The following CADM1 variants were observed in gnomAD, a reference collection of about 807,000 sequenced individuals.
CADM1 encodes the protein TSLC-1.
CADM1 carries 15 observed loss-of-function variants against 53.1 expected under a neutral mutation model. The ratio of observed to expected loss-of-function variants is 0.28; its 90% confidence interval spans 0.19 to 0.44. The LOEUF (loss-of-function observed/expected upper bound fraction) is 0.44, where lower values mean the gene tolerates loss of function less well. Among genes scored for constraint, CADM1 ranks in the 20% least tolerant of loss-of-function variants. The pLI is 1.00. For synonymous variants in CADM1, 281 were observed against 243.0 expected (o/e 1.16, Z -1.45); for missense variants, 434 against 611.3 (o/e 0.71, Z 3.06).
Position 115,229,162 on chromosome 11 carries a change from G to T in CADM1, c.672C>A (p.His224Gln). The T allele has an allele frequency of 6.2e-7, 1 of 1,614,038 alleles. No individual in the cohort carries two copies. Among genetic ancestry groups the T allele is most frequent in the Non-Finnish European group, 8.5e-7 (1 of 1,179,996 alleles). The change falls in exon 5 of 12, where the codon CAC (histidine) becomes CAA (glutamine). Residue 224 changes from histidine to glutamine, a missense_variant. His to Gln is a conservative substitution (Grantham distance 24). This residue lies in a region of CADM1 where 311 missense variants were observed against 435.1 expected (regional missense o/e 0.71). Transcript: ENST00000331581. ...DGVPVICQVE[H>Q]PAVTGNLQTQ... ...TCTGCAGGTTTCCAGTGACCGCAGG[G>T]TGCTCCACCTGGCAGATCACTGGGA...
intron 1 of CADM1, 134 bp from the exon 2 acceptor site, chr11:115,240,554 C>A: frequency 4.5e-6 from 4 of 896,190 alleles, no homozygotes; most frequent in Non-Finnish European, 7.1e-6. Flanking sequence ...GCTCTAATAC[C>A]TTTCTTTGTA....
chr11:115,220,123 G>A (rs1941350342), intron 5 of CADM1, among the ~76,000 whole-genome samples: 1 of 152,080 alleles, frequency 6.6e-6, no homozygotes, highest in Admixed American at 6.6e-5. Flanking sequence ...TTAAGAAGAA[G>A]CAGAATGCTT....
chr11:115,414,914 G>A (rs220846), intron 1 of CADM1, among the ~76,000 whole-genome samples: 55,186 of 152,004 alleles, frequency 0.36, 11,227 homozygotes, highest in Non-Finnish European at 0.48. Flanking sequence ...GTGAAATTCC[G>A]GTGCCTGATT....
intron 1 of CADM1, among the ~76,000 whole-genome samples, chr11:115,306,914 T>C (rs575220951): frequency 1.6e-4 from 25 of 152,142 alleles, no homozygotes; most frequent in African/African-American, 2.9e-4. Context: ...ATCCAACTTA[T>C]GGATGCATTG....
chr11:115,264,960 C>T (rs764089928), intron 1 of CADM1, among the ~76,000 whole-genome samples: 2 of 152,158 alleles, frequency 1.3e-5, no homozygotes, highest in Non-Finnish European at 2.9e-5. Context: ...AAGTGAACAA[C>T]ACCACAGTAT....
chr11:115,349,459 T>C (rs1008302406), intron 1 of CADM1, among the ~76,000 whole-genome samples: 1 of 152,154 alleles, frequency 6.6e-6, no homozygotes, highest in African/African-American at 2.4e-5. Context: ...GCGTAAACAG[T>C]AGACAACATA....
chr11:115,405,453 A>C (rs1378941969), intron 1 of CADM1, among the ~76,000 whole-genome samples: 10 of 152,226 alleles, frequency 6.6e-5, no homozygotes, highest in African/African-American at 2.4e-4. Context: ...AAGCAACTCC[A>C]CTTCCAGGTG....
intron 1 of CADM1, among the ~76,000 whole-genome samples, chr11:115,424,564 G>C (rs1050383749): frequency 6.6e-6 from 1 of 152,048 alleles, no homozygotes; most frequent in African/African-American, 2.4e-5. Flanking sequence ...GTCTCGCACT[G>C]TCTCCCAGGC....
At chr11:115,445,356 C>T (rs1417022054) in intron 1 of CADM1, among the ~76,000 whole-genome samples, 1 of 152,026 alleles carries the variant, frequency 6.6e-6, no homozygotes, top group East Asian at 1.9e-4. Flanking sequence ...TGGCTCGTGC[C>T]TCAGTTTCTT....
intron 1 of CADM1, among the ~76,000 whole-genome samples, chr11:115,489,133 C>T (rs187740090): frequency 6.6e-6 from 1 of 152,296 alleles, no homozygotes; most frequent in African/African-American, 2.4e-5. Context: ...CTAGGTATCC[C>T]AGGACTGTGA....
chr11:115,324,079 C>A (rs1232240783), intron 1 of CADM1, among the ~76,000 whole-genome samples: 1 of 152,118 alleles, frequency 6.6e-6, no homozygotes, highest in Non-Finnish European at 1.5e-5. Flanking sequence ...AGGAGAAAAA[C>A]CCTGCATTCT....
chr11:115,347,742 C>T (rs79359387), intron 1 of CADM1, among the ~76,000 whole-genome samples: 3,153 of 152,248 alleles, frequency 0.021, 130 homozygotes, highest in African/African-American at 0.07. Flanking sequence ...TACACCATGT[C>T]ACTCATGTAA....
At chr11:115,488,821 A>AT (rs1288641163) in intron 1 of CADM1, among the ~76,000 whole-genome samples, 1 of 152,266 alleles carries the variant, frequency 6.6e-6, no homozygotes, top group East Asian at 1.9e-4. Context: ...TACCCATGTC[A>AT]TTTTTTTAAA....
At chr11:115,423,006 T>A (rs1947797036) in intron 1 of CADM1, among the ~76,000 whole-genome samples, 1 of 150,844 alleles carries the variant, frequency 6.6e-6, no homozygotes. Context: ...CAGTAAAATA[T>A]AAACCTAGAA....
chr11:115,186,964 C>T (rs1939589463), intron 10 of CADM1, among the ~76,000 whole-genome samples: 3 of 152,204 alleles, frequency 2.0e-5, no homozygotes, highest in Admixed American at 2.0e-4. Context: ...TTCACTGCAG[C>T]ATCCCTGGTG....
intron 1 of CADM1, among the ~76,000 whole-genome samples, chr11:115,400,576 ATAAT>A (rs1222226215): frequency 3.5e-5 from 5 of 143,094 alleles, no homozygotes; most frequent in African/African-American, 7.8e-5. Flanking sequence ...ATATATATAT[ATAAT>A]ATATATATAT....
intron 8 of CADM1, chr11:115,207,228 A>T (rs959659361): frequency 6.6e-6 from 1 of 152,120 alleles, no homozygotes; most frequent in Non-Finnish European, 1.5e-5. Flanking sequence ...CCACAAATGT[A>T]TTTTGTGCGC....
chr11:115,378,861 T>C (rs181370474), intron 1 of CADM1, among the ~76,000 whole-genome samples: 99 of 152,326 alleles, frequency 6.5e-4, no homozygotes, highest in Non-Finnish European at 5.9e-5. Context: ...TTTACTACCT[T>C]GCCCTCTACA....
At chr11:115,333,354 G>A (rs185961145) in intron 1 of CADM1, among the ~76,000 whole-genome samples, 4 of 152,236 alleles carry the variant, frequency 2.6e-5, no homozygotes, top group East Asian at 1.9e-4. Flanking sequence ...TTGAGAGATC[G>A]AGAGAGAAAG....
Sources: allele counts gnomAD v4.1 joint callset (sites outside exome capture counted in the v4.1 genomes callset), GRCh38; gene constraint gnomAD v4.1.1; regional missense constraint gnomAD v4.1.1; transcripts MANE v1.5; gene names NCBI Gene and HGNC (gene_info 2026-07-23, HGNC 2026-07-21).